MAVS: variants seen among roughly 807,000 people sequenced by gnomAD.
The protein encoded by MAVS is mitochondrial antiviral-signaling protein.
Under a neutral mutation model 30.2 loss-of-function variants are expected in MAVS, and 20 were observed. The observed-to-expected ratio is 0.66, with a 90% CI of 0.47 to 0.96. The LOEUF (loss-of-function observed/expected upper bound fraction) is 0.96. MAVS is among the 40% of genes least tolerant of loss of function. The probability of loss-of-function intolerance (pLI) is 0.00; values close to 1 mark genes in which losing one functional copy is unlikely to be tolerated. For synonymous variants in MAVS, 278 were observed against 293.9 expected (o/e 0.95, Z 0.55); for missense variants, 624 against 701.1 (o/e 0.89, Z 1.24).
chr20:3,868,570 G>GT lies in MAVS; in HGVS notation c.*2425dup, dbSNP rs948714803. The GT allele has an allele frequency of 6.6e-6, 1 of 151,914 alleles. No homozygotes were observed. The highest frequency in any genetic ancestry group is 1.5e-5 in the Non-Finnish European group (1 of 68,004). 9.4% of individuals were successfully genotyped at this position (151,914 alleles called of 1,614,324 possible). ...AATTCCATGAACCCAGGATGCGGAGGTTGCAGTGAGCCGAGATTGTGCCAC... is the reference window on the plus strand; with the variant it reads ...AATTCCATGAACCCAGGATGCGGAGGTTTGCAGTGAGCCGAGATTGTGCCAC... On this transcript the variant is annotated 3_prime_UTR_variant, in exon 7 of 7. Transcript: ENST00000428216.
intron 3 of MAVS, among the ~76,000 whole-genome samples, chr20:3,858,611 G>C (rs570949257): frequency 1.3e-4 from 19 of 148,924 alleles, no homozygotes; most frequent in Non-Finnish European, 2.7e-4. Flanking sequence ...GTTGCAGTGA[G>C]CTGAGATCGC....
rs1224711254 is a variant in MAVS, at chr20:3,872,515, A to G, written c.*6368A>G. 1.3e-5 allele frequency: 2 copies of G among 152,342 alleles called. No homozygotes were observed. 9.4% of individuals were successfully genotyped at this position (152,342 alleles called of 1,614,324 possible). On this transcript the variant is annotated 3_prime_UTR_variant, in exon 7 of 7. Coordinates refer to ENST00000428216, the MANE Select transcript of MAVS (RefSeq NM_020746.5). ...ATCTGCCACCTGCTATAATAGTACT[A>G]TAACACTCAATATGTAATTAATGTA...
At chr20:3,854,067 G>A (rs368592882) in intron 1 of MAVS, among the ~76,000 whole-genome samples, 2 of 150,838 alleles carry the variant, frequency 1.3e-5, no homozygotes, top group East Asian at 4.0e-4. Flanking sequence ...CAAAGTGCTG[G>A]GATTATAGGC....
intron 2 of MAVS, among the ~76,000 whole-genome samples, chr20:3,857,179 T>G (rs2089819335): frequency 6.6e-6 from 1 of 152,174 alleles, no homozygotes; most frequent in Non-Finnish European, 1.5e-5. Flanking sequence ...ACTTTTGCTA[T>G]CTACCTTTTC....
chr20:3,856,386 C>T (rs1326135590), intron 2 of MAVS, among the ~76,000 whole-genome samples: 3 of 129,338 alleles, frequency 2.3e-5, no homozygotes, highest in East Asian at 4.7e-4. Context: ...GATGGAGTCT[C>T]GCTGTGTCTT....
chr20:3,859,525 A>G (rs2089846307), intron 3 of MAVS, among the ~76,000 whole-genome samples: 2 of 142,202 alleles, frequency 1.4e-5, no homozygotes, highest in Non-Finnish European at 1.5e-5. Flanking sequence ...AAAAAACCCA[A>G]AAATAGTGAT....
At position 3,865,733 on chromosome 20, in the gene MAVS, C is replaced by CT. The variant is rs769277051; in HGVS notation, c.1210dup (p.Trp404LeufsTer7). 7.4e-6 allele frequency: 12 copies of CT among 1,613,030 alleles called. No individual in the cohort carries two copies. The Admixed American group carries it at 2.0e-4, about 27-fold the overall frequency. On this transcript the variant is annotated frameshift_variant, in exon 7 of 7. Transcript: ENST00000428216. LOFTEE classifies it low-confidence loss of function (END_TRUNC). This position sits in a 1 kb window ranked among gnomAD's most constrained non-coding sequence, Gnocchi z 4.7. ...CCGGCGCCACTGGAGGCAGCTCAGC[C>CT]TGGCTAGACAGCAGCTCTGAGAATA... is the stretch of plus-strand genomic sequence containing the variant.
rs140861655 is a variant in MAVS at position 3,865,501 on chromosome 20, G to T, written c.1159-182G>T. ...GCTGCCCTGGAGGAGGCCACCATTG[G>T]TGCAGATTCTTGGTCCCCTCTACCC... On this transcript the variant is annotated intron_variant, in intron 6 of 6. Transcript: ENST00000428216. This position sits in a 1 kb window ranked among gnomAD's most constrained non-coding sequence, Gnocchi z 4.7. 2.9e-4 allele frequency among the ~76,000 whole-genome samples: 44 copies of T among 152,288 alleles called. No homozygotes were observed. Among genetic ancestry groups the T allele is most frequent in the African/African-American group, 1.0e-3 (42 of 41,568 alleles).
intron 3 of MAVS, among the ~76,000 whole-genome samples, chr20:3,858,593 A>C (rs574723362): frequency 8.2e-4 from 121 of 147,534 alleles, no homozygotes; most frequent in African/African-American, 2.8e-3. Flanking sequence ...TGAACCAGGG[A>C]GGCAGAGGTT....
In MAVS at chr20:3,864,266, C is replaced by A. The variant is rs760783398; in HGVS notation, c.636C>A (p.Ser212=). The part of the protein sequence containing the change: ...LGSTHTAGAT[S]SLTPSRGPVS... The stretch of plus-strand genomic sequence containing the variant: ...TTTTTCCACCGGCAGGTGCGACCTC[C>A]AGCCTCACACCATCCCGTGGGCCTG... The change falls in exon 6 of 7, where the codon TCC becomes TCA. Residue 212 remains serine, a synonymous_variant. Transcript: ENST00000428216. 6.2e-7 allele frequency: 1 copy of A among 1,605,618 alleles called. No homozygotes were observed. The highest frequency in any genetic ancestry group is 1.1e-5 in the South Asian group (1 of 90,366).
At position 3,874,904 on chromosome 20, in the gene MAVS, C is replaced by T. The variant is rs532805541; in HGVS notation, c.*8757C>T. ...TACTTCCTCCAGCTGCCTACACCCCCCTAGGGTCAGTGGCGCCTGCCTGTG... is the reference window on the plus strand; with the variant it reads ...TACTTCCTCCAGCTGCCTACACCCCTCTAGGGTCAGTGGCGCCTGCCTGTG... On this transcript the variant is annotated 3_prime_UTR_variant, in exon 7 of 7. Coordinates refer to ENST00000428216, the MANE Select transcript of MAVS (RefSeq NM_020746.5). 1 of 152,410 alleles carries T rather than the reference C, an allele frequency of 6.6e-6. No homozygotes were observed. The highest frequency in any genetic ancestry group is 2.4e-5 in the African/African-American group (1 of 41,452). The allele number at this position is 152,410 out of a possible 1,614,324, so 9.4% of individuals were successfully genotyped here.
intron 3 of MAVS, among the ~76,000 whole-genome samples, chr20:3,860,286 G>A (rs1011623743): frequency 6.6e-6 from 1 of 151,904 alleles, no homozygotes; most frequent in Admixed American, 6.6e-5. Flanking sequence ...GGAGTGCAGT[G>A]GCATGACTTC....
intron 2 of MAVS, among the ~76,000 whole-genome samples, chr20:3,856,476 T>C (rs1227694489): frequency 3.3e-5 from 5 of 150,916 alleles, no homozygotes; most frequent in African/African-American, 1.2e-4. Flanking sequence ...TTCAGCCTCC[T>C]GAGTAGCTGG....
At chr20:3,851,880 G>A (rs2089762799) in intron 1 of MAVS, among the ~76,000 whole-genome samples, 1 of 151,810 alleles carries the variant, frequency 6.6e-6, no homozygotes, top group African/African-American at 2.4e-5. Flanking sequence ...ACTTGAACCC[G>A]GAAGGCAGAG....
chr20:3,866,669 AGGAG>A lies in MAVS; in HGVS notation c.*523_*526del, dbSNP rs1482573426. The A allele has an allele frequency of 1.3e-4, 46 of 355,392 alleles. 1 individual carries two copies. Among genetic ancestry groups the A allele is most frequent in the Admixed American group, 7.6e-5 (2 of 26,324 alleles). 22.0% of individuals were successfully genotyped at this position (355,392 alleles called of 1,614,324 possible). A position where few individuals can be genotyped will look rare whatever the true frequency, so the allele number is the denominator to read the frequency against. On this transcript the variant is annotated 3_prime_UTR_variant, in exon 7 of 7. Transcript: ENST00000428216. ...AGGAGCGGCAGGGTGGCTGCTCTCC[AGGAG>A]CCCAACTGCCTTGAGTTCCTGCCCC...
Position 3,874,943 on chromosome 20 carries a change from T to C in MAVS, c.*8796T>C, listed in dbSNP as rs2089980773. 6.6e-6 allele frequency: 1 copy of C among 152,342 alleles called. No individual in the cohort carries two copies. Among genetic ancestry groups the C allele is most frequent in the African/African-American group, 2.4e-5 (1 of 41,438 alleles). 9.4% of individuals were successfully genotyped at this position (152,342 alleles called of 1,614,324 possible). ...CGCCTGCCTGTGAGGGTGAGCCCAA[T>C]GGCTAGAGGGCTCTGCTCCAAGTCA... On this transcript the variant is annotated 3_prime_UTR_variant, in exon 7 of 7. Coordinates refer to ENST00000428216, the MANE Select transcript of MAVS (RefSeq NM_020746.5).
In MAVS at chr20:3,866,462, C is replaced by T; in HGVS notation, c.*315C>T. The T allele has an allele frequency of 2.3e-6, 1 of 429,624 alleles. No individual in the cohort carries two copies. Among genetic ancestry groups the T allele is most frequent in the Non-Finnish European group, 4.2e-6 (1 of 237,244 alleles). 26.6% of individuals were successfully genotyped at this position (429,624 alleles called of 1,614,324 possible). On this transcript the variant is annotated 3_prime_UTR_variant, in exon 7 of 7. Coordinates refer to ENST00000428216, the MANE Select transcript of MAVS (RefSeq NM_020746.5). ...CTCCAGAGGAGCTTCCTCCTCCAGG[C>T]CTCAGCCCTGTTGGCCCAGGTGGAG...
chr20:3,860,669 C>G (rs2089858960), intron 3 of MAVS, among the ~76,000 whole-genome samples: 1 of 151,748 alleles, frequency 6.6e-6, no homozygotes, highest in Middle Eastern at 3.2e-3. Flanking sequence ...GCCACCACGT[C>G]TGGCTTCTTT....
chr20:3,868,188 C>A lies in MAVS; in HGVS notation c.*2041C>A, dbSNP rs1454817191. ...CTACCCGAGCTGTCTGTATTAATCC[C>A]CATCCCCCACCACCAATCTTAAAAA... On this transcript the variant is annotated 3_prime_UTR_variant, in exon 7 of 7. Coordinates refer to ENST00000428216, the MANE Select transcript of MAVS (RefSeq NM_020746.5). The A allele has an allele frequency of 6.6e-6, 1 of 152,396 alleles. No homozygotes were observed. Among genetic ancestry groups the A allele is most frequent in the Admixed American group, 6.5e-5 (1 of 15,280 alleles). 9.4% of individuals were successfully genotyped at this position (152,396 alleles called of 1,614,324 possible).
Sources: allele counts gnomAD v4.1 joint callset (sites outside exome capture counted in the v4.1 genomes callset), GRCh38; gene constraint gnomAD v4.1.1; non-coding constraint Gnocchi (gnomAD v3.1); transcripts MANE v1.5; gene names NCBI Gene and HGNC (gene_info 2026-07-23, HGNC 2026-07-21).